Variants in FBXL17 observed in about 807,000 individuals in gnomAD.
The protein encoded by FBXL17 is F-box and leucine rich repeat protein 17.
FBXL17 carries 22 observed loss-of-function variants against 66.2 expected under a neutral mutation model. The ratio of observed to expected loss-of-function variants is 0.33; its 90% CI spans 0.24 to 0.47. The LOEUF is 0.47. FBXL17 is among the 20% of genes least tolerant of loss of function. The pLI is 1.00. For synonymous variants in FBXL17, 474 were observed against 400.5 expected (o/e 1.18, Z -2.19); for missense variants, 878 against 948.2 (o/e 0.93, Z 0.97).
chr5:107,973,269 G>A (rs1752444229), intron 7 of FBXL17, among the ~76,000 whole-genome samples: 1 of 152,004 alleles, frequency 6.6e-6, no homozygotes, highest in Non-Finnish European at 1.5e-5. Flanking sequence ...GTGGCCTGTG[G>A]ACCACATGCA....
Position 108,381,749 on chromosome 5 carries a change from G to A in FBXL17, c.-58C>T. 1.5e-6 allele frequency: 2 copies of A among 1,377,606 alleles called. No individual in the cohort carries two copies. Among genetic ancestry groups the A allele is most frequent in the Non-Finnish European group, 1.9e-6 (2 of 1,071,794 alleles). 85.3% of individuals were successfully genotyped at this position (1,377,606 alleles called of 1,614,324 possible). A position where few individuals can be genotyped will look rare whatever the true frequency, so the allele number is the denominator to read the frequency against. The stretch of plus-strand genomic sequence containing the variant: ...GAGGGAGGGAGACCCAGAGAGGCGG[G>A]CTCCCGGCAGCGGGGCAGGCCGCTC... On this transcript the variant is annotated 5_prime_UTR_variant, in exon 1 of 9. Transcript: ENST00000542267.
intron 7 of FBXL17, among the ~76,000 whole-genome samples, chr5:107,905,129 G>A (rs907544472): frequency 6.6e-6 from 1 of 151,820 alleles, no homozygotes; most frequent in African/African-American, 2.4e-5. Context: ...GCTTCAAATA[G>A]TAATTTTAAA....
At chr5:108,096,365 G>A (rs1317877377) in intron 6 of FBXL17, among the ~76,000 whole-genome samples, 2 of 152,142 alleles carry the variant, frequency 1.3e-5, no homozygotes, top group Non-Finnish European at 1.5e-5. Flanking sequence ...TAACCACATA[G>A]GACGATCTTA....
chr5:107,964,598 T>C (rs1051624640), intron 7 of FBXL17, among the ~76,000 whole-genome samples: 29 of 152,090 alleles, frequency 1.9e-4, no homozygotes, highest in Non-Finnish European at 3.7e-4. Flanking sequence ...TTTTGTCCCA[T>C]TATCATTAGT....
intron 4 of FBXL17, among the ~76,000 whole-genome samples, chr5:108,260,151 A>G (rs1048762060): frequency 8.5e-5 from 13 of 152,182 alleles, no homozygotes; most frequent in African/African-American, 3.1e-4. Context: ...TAGGTAAAGC[A>G]TACATCTTCA....
chr5:108,246,379 C>T (rs115674454), intron 4 of FBXL17, among the ~76,000 whole-genome samples: 1 of 152,030 alleles, frequency 6.6e-6, no homozygotes, highest in South Asian at 2.1e-4. Flanking sequence ...AAGCTGGGCA[C>T]GGTTGTGCAC....
chr5:108,055,280 GAAAAAAAAAAAAAAAAAAAA>G (rs1000211060), intron 6 of FBXL17, among the ~76,000 whole-genome samples: 1 of 23,692 alleles, frequency 4.2e-5, no homozygotes, highest in Non-Finnish European at 7.9e-5. Context: ...AGAATTTTTA[GAAAAAAAAAAAAAAAAAAAA>G]AAAAAAAAAA....
At chr5:108,135,311 A>G (rs1054054329) in intron 6 of FBXL17, among the ~76,000 whole-genome samples, 7 of 152,168 alleles carry the variant, frequency 4.6e-5, no homozygotes, top group Admixed American at 3.3e-4. Flanking sequence ...AAAACTTTCA[A>G]TACGAACTAG....
At chr5:108,362,097 T>G (rs1748379289) in intron 3 of FBXL17, among the ~76,000 whole-genome samples, 1 of 152,210 alleles carries the variant, frequency 6.6e-6, no homozygotes, top group South Asian at 2.1e-4. Context: ...TGTTTTTCAA[T>G]GTTTTTTTGG....
intron 6 of FBXL17, among the ~76,000 whole-genome samples, chr5:108,174,924 T>C (rs931497423): frequency 6.6e-6 from 1 of 152,160 alleles, no homozygotes; most frequent in Non-Finnish European, 1.5e-5. Context: ...CTATTCCTTG[T>C]TCAAAAATGA....
In FBXL17 at chr5:108,380,761, G is replaced by T; in HGVS notation, c.931C>A (p.His311Asn). ...RESPENPCDC[H>N]REPPPETPDI... ...GGGGTTTCGGGGGGCGGCTCCCTGT[G>T]ACAGTCGCAGGGGTTTTCGGGGGAC... is the stretch of plus-strand genomic sequence containing the variant. The change falls in exon 1 of 9, where the codon CAC (histidine) becomes AAC (asparagine). Residue 311 changes from histidine to asparagine, a missense_variant. Coordinates refer to ENST00000542267, the MANE Select transcript of FBXL17 (RefSeq NM_001163315.3). 6 of 1,249,572 alleles carry T rather than the reference G, an allele frequency of 4.8e-6. No homozygotes were observed. Among genetic ancestry groups the T allele is most frequent in the Non-Finnish European group, 6.1e-6 (6 of 989,354 alleles). The allele number at this position is 1,249,572 out of a possible 1,614,324, so 77.4% of individuals were successfully genotyped here.
intron 7 of FBXL17, among the ~76,000 whole-genome samples, chr5:108,006,293 G>T (rs1452159464): frequency 6.6e-6 from 1 of 152,166 alleles, no homozygotes; most frequent in Admixed American, 6.5e-5. Context: ...TTATAAGATA[G>T]GAAGAAGACA....
chr5:108,203,160 T>A (rs1311172045), intron 5 of FBXL17, among the ~76,000 whole-genome samples: 3 of 152,140 alleles, frequency 2.0e-5, no homozygotes, highest in Non-Finnish European at 4.4e-5. Context: ...CTTTCGTACA[T>A]CATGATGAAT....
chr5:108,089,161 T>C (rs889326646), intron 6 of FBXL17, among the ~76,000 whole-genome samples: 5 of 152,218 alleles, frequency 3.3e-5, no homozygotes, highest in Non-Finnish European at 7.3e-5. Flanking sequence ...GGTGCTATCA[T>C]AAAACGAAAT....
intron 7 of FBXL17, among the ~76,000 whole-genome samples, chr5:107,993,318 AGAT>A (rs1753334428): frequency 1.3e-5 from 2 of 152,224 alleles, no homozygotes; most frequent in South Asian, 4.1e-4. Context: ...TGTTATGGTA[AGAT>A]GATGAGTGAT....
At chr5:108,065,190 T>C (rs1028666816) in intron 6 of FBXL17, among the ~76,000 whole-genome samples, 6 of 152,190 alleles carry the variant, frequency 3.9e-5, no homozygotes, top group Admixed American at 1.3e-4. Context: ...TATGTACATA[T>C]GTATGTATAT....
intron 7 of FBXL17, among the ~76,000 whole-genome samples, chr5:107,950,981 A>C (rs950226526): frequency 6.6e-6 from 1 of 152,206 alleles, no homozygotes; most frequent in East Asian, 1.9e-4. Context: ...TTTGTGTGAC[A>C]GTCATGGCTG....
Position 108,381,849 on chromosome 5 carries a change from G to A in FBXL17, c.-158C>T. On this transcript the variant is annotated 5_prime_UTR_variant, in exon 1 of 9. Transcript: ENST00000542267. ...ACACGGGCACACACGCGACGGTGGG[G>A]GGTGGGCGTCAGCTGCGGGCCGCCG... 1 of 1,298,426 alleles carries A rather than the reference G, an allele frequency of 7.7e-7. No individual in the cohort carries two copies. Among genetic ancestry groups the A allele is most frequent in the South Asian group, 2.2e-5 (1 of 45,714 alleles). 80.4% of individuals were successfully genotyped at this position (1,298,426 alleles called of 1,614,324 possible). A position where few individuals can be genotyped will look rare whatever the true frequency, so the allele number is the denominator to read the frequency against.
intron 5 of FBXL17, among the ~76,000 whole-genome samples, chr5:108,206,039 A>T (rs1754103449): frequency 6.6e-6 from 1 of 152,142 alleles, no homozygotes; most frequent in Non-Finnish European, 1.5e-5. Flanking sequence ...AATGCTATCA[A>T]CTTCTTCCCT....
Sources: allele counts gnomAD v4.1 joint callset (sites outside exome capture counted in the v4.1 genomes callset), GRCh38; gene constraint gnomAD v4.1.1; transcripts MANE v1.5; gene names NCBI Gene and HGNC (gene_info 2026-07-23, HGNC 2026-07-21).